C1QB: variants seen among roughly 807,000 people sequenced by gnomAD.
The protein encoded by C1QB is complement C1q subcomponent subunit B.
Under a neutral mutation model 4.6 loss-of-function variants are expected in C1QB, and 2 were observed. The ratio of observed to expected loss-of-function variants is 0.43; its 90% CI spans 0.18 to 1.36. The LOEUF (loss-of-function observed/expected upper bound fraction) is 1.36. Among genes scored for constraint, C1QB ranks in the 40% most tolerant of loss-of-function variants. The pLI, the probability that C1QB is intolerant of heterozygous loss-of-function variation, is 0.28. For synonymous variants in C1QB, 132 were observed against 137.1 expected, an observed-to-expected ratio of 0.96 and a Z score of 0.26; for missense variants, 292 against 338.0, an observed-to-expected ratio of 0.86 and a Z score of 1.07.
In C1QB at chr1:22,661,495, C is replaced by A; in HGVS notation, c.*109C>A. The A allele has an allele frequency of 7.8e-7, 1 of 1,289,250 alleles. No individual in the cohort carries two copies. Among genetic ancestry groups the A allele is most frequent in the African/African-American group, 1.5e-5 (1 of 68,630 alleles). The allele number at this position is 1,289,250 out of a possible 1,614,324, so 79.9% of individuals were successfully genotyped here. ...TGCACACAGTAGGGCTTGGTGAATG[C>A]TGCTGAGTGAATGAGTAAATAAACT... On this transcript the variant is annotated 3_prime_UTR_variant, in exon 3 of 3. Transcript: ENST00000509305.
At chr1:22,656,641 G>A (rs74223718) in intron 1 of C1QB, among the ~76,000 whole-genome samples, 2 of 152,134 alleles carry the variant, frequency 1.3e-5, no homozygotes, top group African/African-American at 4.8e-5. Flanking sequence ...GACCAAATGT[G>A]GGGGGTTTCT....
chr1:22,661,443 C>G lies in C1QB; in HGVS notation c.*57C>G. On this transcript the variant is annotated 3_prime_UTR_variant, in exon 3 of 3. Coordinates refer to ENST00000509305, the MANE Select transcript of C1QB (RefSeq NM_001378156.1). ...CCCCTGCCAGCAACGCTCACTCTACCCCCAACACCACCCCTTGCCCAACCA... is the reference window on the plus strand; with the variant it reads ...CCCCTGCCAGCAACGCTCACTCTACGCCCAACACCACCCCTTGCCCAACCA... 2 of 1,595,076 alleles carry G rather than the reference C, an allele frequency of 1.3e-6. No individual in the cohort carries two copies. Among genetic ancestry groups the G allele is most frequent in the Non-Finnish European group, 1.7e-6 (2 of 1,164,960 alleles).
chr1:22,659,579 G>A lies in C1QB; in HGVS notation c.117G>A (p.Pro39=), dbSNP rs145215179. The A allele has an allele frequency of 1.4e-4, 220 of 1,613,838 alleles. 1 individual carries two copies. The highest frequency in any genetic ancestry group is 1.7e-4 in the Admixed American group (10 of 59,976). The stretch of plus-strand genomic sequence containing the variant: ...GGCCCCCAGCCATCCCTGGCATCCC[G>A]GGTATCCCTGGGACACCTGGCCCCG... ...CTGPPAIPGI[P]GIPGTPGPDG... Residue 39 remains proline (P), a synonymous_variant, in exon 2 of 3, where the codon CCG becomes CCA. Transcript: ENST00000509305.
rs188344669 is a variant in C1QB, at chr1:22,659,470, T to A, written c.8T>A (p.Ile3Asn). MK[I>N]PWGSIPVLML... ...GTCTGACACAGTATGATGATGAAGA[T>A]CCCATGGGGCAGCATCCCAGTACTG... Residue 3 changes from isoleucine to asparagine, a missense_variant, in exon 2 of 3, where the codon ATC becomes AAC. Transcript: ENST00000509305. 1.9e-6 allele frequency: 3 copies of A among 1,613,944 alleles called. No individual in the cohort carries two copies. The Admixed American group carries it at 5.0e-5, about 27-fold the overall frequency.
intron 1 of C1QB, among the ~76,000 whole-genome samples, chr1:22,657,441 A>G (rs1570095613): frequency 2.0e-5 from 3 of 152,222 alleles, no homozygotes; most frequent in Admixed American, 1.3e-4. Flanking sequence ...ACATAGAAAC[A>G]TGGATGAACC....
intron 2 of C1QB, 98 bp downstream of exon 2, chr1:22,659,741 CT>C: frequency 7.2e-7 from 1 of 1,391,658 alleles, no homozygotes; most frequent in Non-Finnish European, 1.0e-6. Flanking sequence ...TGCAAAAGCA[CT>C]GGCAAATCCA....
rs1453569731 is a variant in C1QB, at chr1:22,661,180, C to T, written c.550C>T (p.Arg184Cys). 15 of 1,614,120 alleles carry T rather than the reference C, an allele frequency of 9.3e-6. No individual in the cohort carries two copies. Among genetic ancestry groups the T allele is most frequent in the African/African-American group, 1.3e-5 (1 of 75,014 alleles). Reference protein sequence around the residue: ...SRGNLCVNLMRGRERAQKVVT... With the variant: ...SRGNLCVNLMCGRERAQKVVT... The stretch of plus-strand genomic sequence containing the variant: ...AGGGAACCTGTGCGTGAACCTCATG[C>T]GTGGCCGGGAGCGTGCACAGAAGGT... The change falls in exon 3 of 3, where the codon CGT (arginine) becomes TGT (cysteine). Residue 184 changes from arginine (R) to cysteine (C), a missense_variant. Physicochemically the swap from Arg to Cys is radical, Grantham distance 180. Coordinates refer to ENST00000509305, the MANE Select transcript of C1QB (RefSeq NM_001378156.1).
At chr1:22,653,546 G>A (rs143203736) in intron 1 of C1QB, among the ~76,000 whole-genome samples, 137 of 152,314 alleles carry the variant, frequency 9.0e-4, no homozygotes, top group African/African-American at 2.7e-3. Context: ...TGGCACATAG[G>A]AGCTTTGGCA....
At chr1:22,653,412 TG>T (rs1388523186) in intron 1 of C1QB, 109 bp downstream of exon 1, 1 of 152,352 alleles carries the variant, frequency 6.6e-6, no homozygotes, top group African/African-American at 2.4e-5. Context: ...CCAGTTAGGC[TG>T]TTTAACAGTG....
At chr1:22,659,207 G>T (rs527629775) in intron 1 of C1QB, among the ~76,000 whole-genome samples, 1 of 150,896 alleles carries the variant, frequency 6.6e-6, no homozygotes, top group East Asian at 2.0e-4. Flanking sequence ...GGAATGGAGG[G>T]ATAGAGAGAT....
chr1:22,654,813 C>T lies in C1QB; in HGVS notation c.-24+1510C>T, dbSNP rs16827404. ...GCTGCCTAACAAGAGCAGCAATCAT[C>T]GTGGTGGTAAAAAGCCACTTTCACC... On this transcript the variant is annotated intron_variant, in intron 1 of 2. Transcript: ENST00000509305. Among the ~76,000 whole-genome samples, 751 of 152,326 alleles carry T rather than the reference C, an allele frequency of 4.9e-3. 7 individuals carry two copies. Among genetic ancestry groups the T allele is most frequent in the African/African-American group, 0.017 (716 of 41,572 alleles).
In C1QB at chr1:22,661,017, C is replaced by G; in HGVS notation, c.387C>G (p.Asn129Lys). The G allele has an allele frequency of 6.2e-7, 1 of 1,614,038 alleles. No homozygotes were observed. The highest frequency in any genetic ancestry group is 8.5e-7 in the Non-Finnish European group (1 of 1,179,980). ...KIAFSATRTI[N>K]VPLRRDQTIR... ...CCTTCTCTGCCACAAGAACCATCAA[C>G]GTCCCCCTGCGCCGGGACCAGACCA... The change falls in exon 3 of 3, where the codon AAC becomes AAG. Residue 129 changes from asparagine to lysine, a missense_variant. Coordinates refer to ENST00000509305, the MANE Select transcript of C1QB (RefSeq NM_001378156.1).
rs1364116210 is a variant in C1QB at position 22,661,003 on chromosome 1, A to C, written c.373A>C (p.Thr125Pro). 1.9e-6 allele frequency: 3 copies of C among 1,613,978 alleles called. No homozygotes were observed. The highest frequency in any genetic ancestry group is 2.5e-6 in the Non-Finnish European group (3 of 1,179,964). ...KATQKIAFSATRTINVPLRRD... is the reference protein window; with the variant it reads ...KATQKIAFSAPRTINVPLRRD... Reference sequence around the variant, plus strand: ...CACCCAGAAAATCGCCTTCTCTGCCACAAGAACCATCAACGTCCCCCTGCG... The same window carrying C: ...CACCCAGAAAATCGCCTTCTCTGCCCCAAGAACCATCAACGTCCCCCTGCG... Residue 125 changes from threonine (T) to proline (P), a missense_variant, in exon 3 of 3, where the codon ACA becomes CCA. Coordinates refer to ENST00000509305, the MANE Select transcript of C1QB (RefSeq NM_001378156.1).
intron 1 of C1QB, among the ~76,000 whole-genome samples, chr1:22,658,064 A>G (rs1313430067): frequency 6.6e-6 from 1 of 152,276 alleles, no homozygotes; most frequent in East Asian, 1.9e-4. Context: ...TAGGAATCAC[A>G]GTAGATGCAG....
Position 22,659,623 on chromosome 1 carries a change from C to A in C1QB, c.161C>A (p.Pro54Gln), listed in dbSNP as rs1361237596. Reference sequence around the variant, plus strand: ...GGCCCCGATGGCCAACCTGGGACCCCAGGGATAAAAGGAGAGAAAGGTACC... The same window carrying A: ...GGCCCCGATGGCCAACCTGGGACCCAAGGGATAAAAGGAGAGAAAGGTACC... ...TPGPDGQPGT[P>Q]GIKGEKGLPG... The change falls in exon 2 of 3, where the codon CCA becomes CAA. Residue 54 changes from proline to glutamine, a missense_variant. Physicochemically the swap from Pro to Gln is moderately conservative, Grantham distance 76 (BLOSUM62 -1). Coordinates refer to ENST00000509305, the MANE Select transcript of C1QB (RefSeq NM_001378156.1). 1 of 1,613,312 alleles carries A rather than the reference C, an allele frequency of 6.2e-7. No homozygotes were observed.
chr1:22,653,539 C>T (rs535630885), intron 1 of C1QB, among the ~76,000 whole-genome samples: 157 of 152,268 alleles, frequency 1.0e-3, no homozygotes, highest in African/African-American at 3.6e-3. Flanking sequence ...GGGAGCCTGG[C>T]ACATAGGAGC....
At position 22,659,151 on chromosome 1, in the gene C1QB, T is replaced by A. The variant is rs148225312; in HGVS notation, c.-23-289T>A. On this transcript the variant is annotated intron_variant, in intron 1 of 2. Transcript: ENST00000509305. Reference sequence around the variant, plus strand: ...ATGGATGGATGGATGAATGGATGGATGCAGATAGAGGGATAGAGAGATGGA... The same window carrying A: ...ATGGATGGATGGATGAATGGATGGAAGCAGATAGAGGGATAGAGAGATGGA... 1.4e-3 allele frequency among the ~76,000 whole-genome samples: 180 copies of A among 132,028 alleles called. 1 individual carries two copies. The highest frequency in any genetic ancestry group is 5.2e-3 in the African/African-American group (175 of 33,572). The allele number at this position is 132,028 out of a possible 152,430, so 86.6% of individuals were successfully genotyped here.
intron 1 of C1QB, chr1:22,654,063 C>A (rs1401154748): frequency 6.6e-6 from 1 of 152,222 alleles, no homozygotes; most frequent in Non-Finnish European, 1.5e-5. Context: ...AAGGCACTTG[C>A]CTGAGGTTAT....
rs1642593513 is a variant in C1QB, at chr1:22,659,766, C to T, written c.181+123C>T. 35 of 1,160,380 alleles carry T rather than the reference C, an allele frequency of 3.0e-5. No individual in the cohort carries two copies. In the South Asian group the frequency reaches 4.2e-4, roughly 14 times the overall value. 71.9% of individuals were successfully genotyped at this position (1,160,380 alleles called of 1,614,324 possible). On this transcript the variant is annotated intron_variant, in intron 2 of 2. Coordinates refer to ENST00000509305, the MANE Select transcript of C1QB (RefSeq NM_001378156.1). ...CTGGCAAATCCAGCAGCTTGCTGAACCCTTGCAGTAACTTTGCAAGGAGGG... is the reference window on the plus strand; with the variant it reads ...CTGGCAAATCCAGCAGCTTGCTGAATCCTTGCAGTAACTTTGCAAGGAGGG...
Sources: gnomAD v4.1 joint callset for allele counts (sites outside exome capture counted in the v4.1 genomes callset) on GRCh38, gnomAD v4.1.1 for gene constraint, MANE v1.5 for transcripts, NCBI Gene and HGNC (gene_info 2026-07-23, HGNC 2026-07-21) for gene names.